Variants in FAM98A observed in about 807,000 individuals in gnomAD.
FAM98A encodes protein FAM98A.
A neutral mutation model predicts 62.9 loss-of-function variants in FAM98A; 25 were observed. The ratio of observed to expected loss-of-function variants is 0.40; its 90% CI spans 0.29 to 0.56. The LOEUF is 0.56. FAM98A is among the 20% of genes least tolerant of loss of function. The probability of loss-of-function intolerance (pLI) is 0.51; values close to 1 mark genes in which losing one functional copy is unlikely to be tolerated. For synonymous variants in FAM98A, 252 were observed against 228.6 expected (o/e 1.10, Z -0.92); for missense variants, 653 against 640.7 (o/e 1.02, Z -0.21).
chr2:33,593,385 CAG>C (rs2151146139), intron 2 of FAM98A, among the ~76,000 whole-genome samples: 1 of 152,282 alleles, frequency 6.6e-6, no homozygotes, highest in African/African-American at 2.4e-5. Context: ...GCCTGGGTGA[CAG>C]AGTGAGATCT....
At chr2:33,586,153 GA>G (rs934414292) in intron 6 of FAM98A, among the ~76,000 whole-genome samples, 1 of 151,760 alleles carries the variant, frequency 6.6e-6, no homozygotes, top group African/African-American at 2.4e-5. Context: ...TCATTTAGCT[GA>G]AAAAAAACTT....
At chr2:33,587,809 A>G (rs1028260507) in intron 4 of FAM98A, among the ~76,000 whole-genome samples, 3 of 151,708 alleles carry the variant, frequency 2.0e-5, no homozygotes, top group Non-Finnish European at 2.9e-5. Context: ...GAAAATCTTA[A>G]CTGATAATGT....
chr2:33,591,285 A>G (rs1677666769), intron 3 of FAM98A, among the ~76,000 whole-genome samples: 1 of 152,178 alleles, frequency 6.6e-6, no homozygotes, highest in Non-Finnish European at 1.5e-5. Context: ...GATTTTAAAA[A>G]TCCTCTGAAT....
intron 2 of FAM98A, among the ~76,000 whole-genome samples, chr2:33,595,079 G>T (rs962416891): frequency 6.6e-6 from 1 of 152,160 alleles, no homozygotes; most frequent in African/African-American, 2.4e-5. Context: ...AAGCATAACA[G>T]AATAATAATG....
At position 33,599,194 on chromosome 2, in the gene FAM98A, T is replaced by C. The variant is rs1329863062; in HGVS notation, c.28A>G (p.Ile10Val). Reference protein sequence around the residue: MECDLMETDILESLEDLGYK... With the variant: MECDLMETDVLESLEDLGYK... ...CCTAGATCTTCCAACGACTCCAAGA[T>C]GTCAGTCTCCATGAGGTCACACTCC... The change falls in exon 1 of 8, where the codon ATC (isoleucine) becomes GTC (valine). Residue 10 changes from isoleucine to valine, a missense_variant. Ile to Val is a conservative substitution (Grantham distance 29). Coordinates refer to ENST00000238823, the MANE Select transcript of FAM98A (RefSeq NM_015475.5). 8 of 1,613,916 alleles carry C rather than the reference T, an allele frequency of 5.0e-6. No homozygotes were observed. Among genetic ancestry groups the C allele is most frequent in the Non-Finnish European group, 6.8e-6 (8 of 1,179,918 alleles).
In FAM98A at chr2:33,584,810, G is replaced by C. The variant is rs764407634; in HGVS notation, c.1523C>G (p.Ser508Cys). 8 of 1,610,428 alleles carry C rather than the reference G, an allele frequency of 5.0e-6. No homozygotes were observed. In the South Asian group the frequency reaches 6.6e-5, roughly 13 times the overall value. The change falls in exon 8 of 8, where the codon TCT (serine) becomes TGT (cysteine). Residue 508 changes from serine to cysteine, a missense_variant. Transcript: ENST00000238823. ...FQHGGYQYNH[S>C]GFGQGRHYTS is the part of the protein sequence containing the mutation. ...GTAATGTCTTCCCTGTCCAAATCCA[G>C]AATGATTATACTGATAACCTCCATG...
At position 33,587,243 on chromosome 2, in the gene FAM98A, G is replaced by C; in HGVS notation, c.600C>G (p.His200Gln). The change falls in exon 5 of 8, where the codon CAC becomes CAG. Residue 200 changes from histidine (H) to glutamine (Q), a missense_variant. Physicochemically the swap from His to Gln is conservative, Grantham distance 24 (BLOSUM62 0). Coordinates refer to ENST00000238823, the MANE Select transcript of FAM98A (RefSeq NM_015475.5). ...PLLKKPMGPA[H>Q]WEKIEAINQA... ...ACTCAAGATGATTACTACTCACCCAGTGGGCTGGTCCCATTGGCTTCTTCA... is the reference window on the plus strand; with the variant it reads ...ACTCAAGATGATTACTACTCACCCACTGGGCTGGTCCCATTGGCTTCTTCA... The C allele has an allele frequency of 6.3e-7, 1 of 1,592,238 alleles. No homozygotes were observed. The highest frequency in any genetic ancestry group is 1.7e-5 in the Admixed American group (1 of 59,964).
At chr2:33,591,619 C>G (rs1337005304) in intron 3 of FAM98A, among the ~76,000 whole-genome samples, 1 of 152,072 alleles carries the variant, frequency 6.6e-6, no homozygotes, top group Non-Finnish European at 1.5e-5. Context: ...GAAATAGCAA[C>G]AAGACAAAAT....
At chr2:33,591,529 G>C (rs1385013020) in intron 3 of FAM98A, among the ~76,000 whole-genome samples, 1 of 152,086 alleles carries the variant, frequency 6.6e-6, no homozygotes, top group African/African-American at 2.4e-5. Flanking sequence ...TCATTTCTCA[G>C]AATAAGTACC....
At chr2:33,590,387 G>T (rs1211396847) in intron 3 of FAM98A, among the ~76,000 whole-genome samples, 2 of 152,116 alleles carry the variant, frequency 1.3e-5, no homozygotes, top group African/African-American at 4.8e-5. Context: ...TCAAGTTAGT[G>T]AGGTAAGGGT....
chr2:33,585,265 T>C lies in FAM98A; in HGVS notation c.1068A>G (p.Gln356=). 10 of 1,614,102 alleles carry C rather than the reference T, an allele frequency of 6.2e-6. No individual in the cohort carries two copies. Among genetic ancestry groups the C allele is most frequent in the Non-Finnish European group, 8.5e-6 (10 of 1,180,016 alleles). The part of the protein sequence containing the change: ...SSYGGRGGHE[Q]GGGRGGRGGY... ...CACCACGTCCACCTCTCCCGCCTCC[T>C]TGTTCATGACCTCCTCGTCCTCCGT... The change falls in exon 8 of 8, where the codon CAA becomes CAG. Residue 356 remains glutamine, a synonymous_variant. Transcript: ENST00000238823.
Position 33,584,860 on chromosome 2 carries a change from C to T in FAM98A, c.1473G>A (p.Gly491=), listed in dbSNP as rs889823667. 1.9e-6 allele frequency: 3 copies of T among 1,614,070 alleles called. No individual in the cohort carries two copies. In the African/African-American group the frequency reaches 4.0e-5, roughly 22 times the overall value. ...GCTGGAAATGCTGTTCAAATTGACCCCCTTGGTGATAATTCTGGCTCCCTC... is the reference window on the plus strand; with the variant it reads ...GCTGGAAATGCTGTTCAAATTGACCTCCTTGGTGATAATTCTGGCTCCCTC... ...GGRGSQNYHQ[G]GQFEQHFQHG... Residue 491 remains glycine (G), a synonymous_variant, in exon 8 of 8, where the codon GGG becomes GGA. Transcript: ENST00000238823.
At chr2:33,594,288 C>A (rs1029651107) in intron 2 of FAM98A, among the ~76,000 whole-genome samples, 5 of 151,946 alleles carry the variant, frequency 3.3e-5, no homozygotes, top group Non-Finnish European at 7.4e-5. Flanking sequence ...TGCAAGCCAT[C>A]ATCCTCCACA....
rs561017062 is a variant in FAM98A at position 33,598,702 on chromosome 2, A to C, written c.53+467T>G. On this transcript the variant is annotated intron_variant, in intron 1 of 7. Transcript: ENST00000238823. ...CGAAGCCTGGGTGCATGCAGAGATG[A>C]CTGGGCAAAGGAGAAATTTTGAGAG... is the stretch of plus-strand genomic sequence containing the variant. Among the ~76,000 whole-genome samples, 51 of 152,274 alleles carry C rather than the reference A, an allele frequency of 3.3e-4. 1 individual carries two copies. Among genetic ancestry groups the C allele is most frequent in the Admixed American group, 2.7e-3 (41 of 15,296 alleles).
At chr2:33,594,349 G>T (rs755802205) in intron 2 of FAM98A, among the ~76,000 whole-genome samples, 11 of 151,496 alleles carry the variant, frequency 7.3e-5, no homozygotes, top group Non-Finnish European at 1.6e-4. Flanking sequence ...CCACTAAGTG[G>T]GAGTTAAAAA....
chr2:33,586,418 C>T (rs1346553918), intron 6 of FAM98A, 144 bp downstream of exon 6: 3 of 536,878 alleles, frequency 5.6e-6, no homozygotes, highest in East Asian at 5.3e-5. Flanking sequence ...GTTGAAAGAG[C>T]CACTACTCAA....
intron 2 of FAM98A, among the ~76,000 whole-genome samples, chr2:33,594,604 C>CATACACACATATATAT (rs1677754329): frequency 8.2e-6 from 1 of 121,534 alleles, no homozygotes; most frequent in Non-Finnish European, 1.6e-5. Flanking sequence ...CACACACATA[C>CATACACACATATATAT]ATACACACAT....
chr2:33,585,652 C>A lies in FAM98A; in HGVS notation c.766G>T (p.Val256Phe), dbSNP rs1236099780. Reference sequence around the variant, plus strand: ...GAAATAGTAGTTTTAGGGGATAAGACTGAACGTTTCGGCTGGTAAACCTTG... The same window carrying A: ...GAAATAGTAGTTTTAGGGGATAAGAATGAACGTTTCGGCTGGTAAACCTTG... ...LAKVYQPKRS[V>F]LSPKTTISVA... Residue 256 changes from valine (V) to phenylalanine (F), a missense_variant, in exon 7 of 8, where the codon GTC (valine) becomes TTC (phenylalanine). Coordinates refer to ENST00000238823, the MANE Select transcript of FAM98A (RefSeq NM_015475.5). 6.8e-6 allele frequency: 11 copies of A among 1,614,092 alleles called. No homozygotes were observed. The highest frequency in any genetic ancestry group is 8.5e-6 in the Non-Finnish European group (10 of 1,180,000).
chr2:33,587,522 T>C, intron 4 of FAM98A: 1 of 558,180 alleles, frequency 1.8e-6, no homozygotes, highest in Non-Finnish European at 3.2e-6. Flanking sequence ...AGTCCTTCAT[T>C]GCACCTAGAA....
Sources: gnomAD v4.1 joint callset for allele counts (sites outside exome capture counted in the v4.1 genomes callset) on GRCh38, gnomAD v4.1.1 for gene constraint, MANE v1.5 for transcripts, NCBI Gene and HGNC (gene_info 2026-07-23, HGNC 2026-07-21) for gene names.